PDE3B: variants seen among roughly 807,000 people sequenced by gnomAD.
The protein encoded by PDE3B is cGMP-inhibited 3',5'-cyclic phosphodiesterase 3B.
Under a neutral mutation model 116.8 loss-of-function variants are expected in PDE3B, and 66 were observed. The ratio of observed to expected loss-of-function variants is 0.56; its 90% confidence interval spans 0.46 to 0.69. The LOEUF is 0.69. Ranked by LOEUF, PDE3B falls within the 30% of genes least tolerant of loss-of-function variation. The pLI, the probability that PDE3B is intolerant of heterozygous loss-of-function variation, is 0.00. For synonymous variants in PDE3B, 595 were observed against 533.6 expected (o/e 1.12, Z -1.59); for missense variants, 1,384 against 1,368.1 (o/e 1.01, Z -0.18).
At chr11:14,704,881 A>G (rs991160089) in intron 1 of PDE3B, among the ~76,000 whole-genome samples, 5 of 151,652 alleles carry the variant, frequency 3.3e-5, no homozygotes, top group Admixed American at 6.6e-5. Context: ...CAAAATTAAA[A>G]CCTTTTGTTC....
intron 1 of PDE3B, among the ~76,000 whole-genome samples, chr11:14,667,479 A>C (rs1854205721): frequency 6.6e-6 from 1 of 151,228 alleles, no homozygotes; most frequent in Non-Finnish European, 1.5e-5. Context: ...AAAATGTGGC[A>C]CACATACACC....
At chr11:14,760,499 G>C (rs1202814842) in intron 1 of PDE3B, among the ~76,000 whole-genome samples, 1 of 152,152 alleles carries the variant, frequency 6.6e-6, no homozygotes, top group African/African-American at 2.4e-5. Context: ...AACAGTTCCT[G>C]TACTGACATA....
Position 14,644,307 on chromosome 11 carries a change from G to A in PDE3B, c.232G>A (p.Ala78Thr). ...QPRRCSPFCR[A>T]RLSLGALAAF... is the part of the protein sequence containing the mutation. ...GCGGCGCTGCTCCCCCTTCTGCCGGGCGCGCCTCTCGCTGGGCGCCCTGGC... is the reference window on the plus strand; with the variant it reads ...GCGGCGCTGCTCCCCCTTCTGCCGGACGCGCCTCTCGCTGGGCGCCCTGGC... The change falls in exon 1 of 16, where the codon GCG becomes ACG. Residue 78 changes from alanine to threonine, a missense_variant. Coordinates refer to ENST00000282096, the MANE Select transcript of PDE3B (RefSeq NM_000922.4). 1 of 1,565,142 alleles carries A rather than the reference G, an allele frequency of 6.4e-7. No individual in the cohort carries two copies.
intron 1 of PDE3B, among the ~76,000 whole-genome samples, chr11:14,681,834 C>T (rs574375088): frequency 6.6e-6 from 1 of 152,028 alleles, no homozygotes; most frequent in Non-Finnish European, 1.5e-5. Flanking sequence ...GTACAGTTGA[C>T]CCTTGAATAA....
At chr11:14,689,902 A>T (rs910605853) in intron 1 of PDE3B, among the ~76,000 whole-genome samples, 2 of 152,182 alleles carry the variant, frequency 1.3e-5, no homozygotes, top group African/African-American at 4.8e-5. Flanking sequence ...ACTTACCCTC[A>T]TGTCATATGG....
chr11:14,822,052 C>T (rs370403184), intron 7 of PDE3B, among the ~76,000 whole-genome samples: 2 of 151,962 alleles, frequency 1.3e-5, no homozygotes. Context: ...GACTACAGCA[C>T]CATGCCCGGC....
chr11:14,644,483 CACCCGG>C lies in PDE3B; in HGVS notation c.412_417del (p.Arg138_Thr139del). On this transcript the variant is annotated inframe_deletion, in exon 1 of 16. Coordinates refer to ENST00000282096, the MANE Select transcript of PDE3B (RefSeq NM_000922.4). ...CCTTCTTCTTCCTCACCTGCTTCCT[CACCCGG>C]ACCAAGCGGGGACCCGGCCCGGGCC... 1.2e-6 allele frequency: 2 copies of C among 1,612,992 alleles called. No individual in the cohort carries two copies. The highest frequency in any genetic ancestry group is 2.7e-5 in the African/African-American group (2 of 74,978).
intron 1 of PDE3B, among the ~76,000 whole-genome samples, chr11:14,671,341 G>C (rs565213200): frequency 1.3e-5 from 2 of 152,198 alleles, no homozygotes; most frequent in African/African-American, 4.8e-5. Flanking sequence ...GAAGGAGCTG[G>C]TTGTGCTGAG....
chr11:14,861,603 A>G (rs1555007183), intron 14 of PDE3B, among the ~76,000 whole-genome samples: 4 of 152,176 alleles, frequency 2.6e-5, no homozygotes, highest in Non-Finnish European at 1.5e-5. Context: ...TATACTCATG[A>G]GTCTACAGGT....
intron 4 of PDE3B, among the ~76,000 whole-genome samples, chr11:14,795,523 T>C (rs1202877966): frequency 2.6e-5 from 4 of 152,200 alleles, no homozygotes; most frequent in Non-Finnish European, 4.4e-5. Context: ...CGGGAACTAA[T>C]CTGAGAACCT....
intron 12 of PDE3B, among the ~76,000 whole-genome samples, chr11:14,851,016 G>T (rs563564990): frequency 1.9e-4 from 28 of 150,028 alleles, no homozygotes; most frequent in African/African-American, 6.6e-4. Flanking sequence ...GTAGAGACGG[G>T]GTTTCACTGT....
intron 1 of PDE3B, among the ~76,000 whole-genome samples, chr11:14,661,119 C>T (rs1019092604): frequency 1.3e-5 from 2 of 152,216 alleles, no homozygotes; most frequent in African/African-American, 4.8e-5. Context: ...GACGATTCCT[C>T]AGGGATCTAG....
At chr11:14,687,198 A>C (rs1020162720) in intron 1 of PDE3B, among the ~76,000 whole-genome samples, 1 of 152,188 alleles carries the variant, frequency 6.6e-6, no homozygotes, top group African/African-American at 2.4e-5. Context: ...GACATTTAGA[A>C]TGCTTCTTGC....
intron 4 of PDE3B, among the ~76,000 whole-genome samples, chr11:14,799,565 C>CT (rs1342576425): frequency 3.3e-5 from 5 of 151,742 alleles, no homozygotes; most frequent in South Asian, 2.1e-4. Context: ...GTGTAGGAGT[C>CT]TAAGTCTCTT....
intron 10 of PDE3B, among the ~76,000 whole-genome samples, chr11:14,834,089 C>T (rs1445909807): frequency 6.6e-6 from 1 of 152,124 alleles, no homozygotes; most frequent in Non-Finnish European, 1.5e-5. Context: ...GAATTCATGA[C>T]ACTTAGTAAA....
chr11:14,799,024 AG>A (rs1858656904), intron 4 of PDE3B, among the ~76,000 whole-genome samples: 1 of 152,102 alleles, frequency 6.6e-6, no homozygotes, highest in Non-Finnish European at 1.5e-5. Context: ...TTGTGATGTT[AG>A]GGTGTCAATT....
intron 12 of PDE3B, among the ~76,000 whole-genome samples, chr11:14,849,005 C>G (rs867832816): frequency 3.2e-4 from 49 of 151,746 alleles, no homozygotes; most frequent in African/African-American, 1.2e-3. Context: ...TCATATGGAA[C>G]CAAAAAAGAG....
chr11:14,742,176 A>C (rs539860441), intron 1 of PDE3B, among the ~76,000 whole-genome samples: 6 of 152,298 alleles, frequency 3.9e-5, no homozygotes, highest in Non-Finnish European at 5.9e-5. Flanking sequence ...TAATATCCTG[A>C]AGAGTGTTTT....
intron 4 of PDE3B, among the ~76,000 whole-genome samples, chr11:14,795,002 G>A (rs1858508506): frequency 1.3e-5 from 2 of 152,108 alleles, no homozygotes; most frequent in Non-Finnish European, 2.9e-5. Flanking sequence ...TCACTTTCCT[G>A]GAAGCCCCCA....
Sources: allele counts gnomAD v4.1 joint callset (sites outside exome capture counted in the v4.1 genomes callset), GRCh38; gene constraint gnomAD v4.1.1; transcripts MANE v1.5; gene names NCBI Gene and HGNC (gene_info 2026-07-23, HGNC 2026-07-21).